The following XYLT1 variants were observed in gnomAD, a reference collection of about 807,000 sequenced individuals.
XYLT1 encodes xylosyltransferase 1, also known as beta-D-xylosyltransferase 1.
XYLT1 carries 36 observed loss-of-function variants against 91.3 expected under a neutral mutation model. The observed-to-expected ratio is 0.39, with a 90% CI of 0.30 to 0.52. XYLT1 has a LOEUF of 0.52. Among genes scored for constraint, XYLT1 ranks in the 20% least tolerant of loss-of-function variants. The pLI, the probability that XYLT1 is intolerant of heterozygous loss-of-function variation, is 0.68. For missense variants in XYLT1, 1,242 were observed against 1,284.5 expected (o/e 0.97, Z 0.51); for synonymous variants, 588 against 532.0 (o/e 1.11, Z -1.45).
At chr16:17,340,573 C>T (rs548571210) in intron 2 of XYLT1, among the ~76,000 whole-genome samples, 10 of 152,218 alleles carry the variant, frequency 6.6e-5, no homozygotes, top group East Asian at 1.9e-4. Flanking sequence ...AAGAGTTCTG[C>T]GTAGGTCCAA....
At chr16:17,232,429 G>GTGTGTGTGTATATATATATATATA (rs1194509016) in intron 3 of XYLT1, among the ~76,000 whole-genome samples, 1 of 121,736 alleles carries the variant, frequency 8.2e-6, no homozygotes. Flanking sequence ...GTGTGTGTGT[G>GTGTGTGTGTATATATATATATATA]TATATATATA....
At chr16:17,279,096 C>T (rs1159529805) in intron 2 of XYLT1, among the ~76,000 whole-genome samples, 1 of 152,214 alleles carries the variant, frequency 6.6e-6, no homozygotes, top group East Asian at 1.9e-4. Flanking sequence ...AGCGTTGCTA[C>T]TGGGACAGCA....
chr16:17,451,587 A>T (rs1004276500), intron 1 of XYLT1, among the ~76,000 whole-genome samples: 4 of 152,228 alleles, frequency 2.6e-5, no homozygotes, highest in Non-Finnish European at 5.9e-5. Flanking sequence ...CATCCTGGGT[A>T]CATCTGTAAA....
intron 3 of XYLT1, among the ~76,000 whole-genome samples, chr16:17,248,484 C>T (rs1236592109): frequency 6.6e-6 from 1 of 152,170 alleles, no homozygotes. Context: ...CTAAACCTAG[C>T]ACTTTTAGGA....
intron 1 of XYLT1, among the ~76,000 whole-genome samples, chr16:17,366,402 T>G (rs776058048): frequency 5.3e-5 from 8 of 152,262 alleles, no homozygotes; most frequent in Admixed American, 2.6e-4. Flanking sequence ...AAATATTATC[T>G]TATTTAATTC....
chr16:17,151,651 T>C lies in XYLT1; in HGVS notation c.1370+7178A>G, dbSNP rs12933150. On this transcript the variant is annotated intron_variant, in intron 6 of 11. Transcript: ENST00000261381. ...TGTACCAGTTATTATTGCTGCCCTG[T>C]GTGGAGAAAGCTGACTTAGGTTTGA... Among the ~76,000 whole-genome samples, 648 of 152,006 alleles carry C rather than the reference T, an allele frequency of 4.3e-3. 7 individuals carry two copies. The highest frequency in any genetic ancestry group is 0.015 in the African/African-American group (626 of 41,454).
At chr16:17,271,763 C>T (rs182482422) in intron 2 of XYLT1, among the ~76,000 whole-genome samples, 2 of 152,164 alleles carry the variant, frequency 1.3e-5, no homozygotes, top group African/African-American at 4.8e-5. Context: ...ACCCCCGACC[C>T]CTGCTGGGAA....
At chr16:17,172,775 C>T (rs1489223795) in intron 5 of XYLT1, among the ~76,000 whole-genome samples, 2 of 152,142 alleles carry the variant, frequency 1.3e-5, no homozygotes. Context: ...ACCTGGCCGA[C>T]TGTGTTCATT....
At chr16:17,232,395 G>C (rs1043783521) in intron 3 of XYLT1, among the ~76,000 whole-genome samples, 4 of 127,006 alleles carry the variant, frequency 3.1e-5, no homozygotes, top group Non-Finnish European at 4.7e-5. Flanking sequence ...CTGTGTCTGT[G>C]TGTCTGTGTC....
intron 3 of XYLT1, among the ~76,000 whole-genome samples, chr16:17,206,557 G>A (rs912489648): frequency 5.3e-5 from 8 of 152,088 alleles, no homozygotes; most frequent in Non-Finnish European, 1.0e-4. Flanking sequence ...GCTATCAGAT[G>A]CATGTCAAAT....
intron 3 of XYLT1, among the ~76,000 whole-genome samples, chr16:17,245,111 G>C (rs144066694): frequency 0.013 from 1,952 of 152,280 alleles, 23 homozygotes; most frequent in Admixed American, 0.027. Context: ...GCTCAGATGG[G>C]ACTGACGGAT....
intron 11 of XYLT1, among the ~76,000 whole-genome samples, chr16:17,116,997 G>A (rs4782037): frequency 0.22 from 33,828 of 151,744 alleles, 4,521 homozygotes; most frequent in East Asian, 0.6. Context: ...TTTGTAAAGA[G>A]CCAGATAGTA....
In XYLT1 at chr16:17,117,869, C is replaced by G. The variant is rs769344701; in HGVS notation, c.2334G>C (p.Val778=). 5 of 1,614,110 alleles carry G rather than the reference C, an allele frequency of 3.1e-6. No individual in the cohort carries two copies. The South Asian group carries it at 5.5e-5, about 18-fold the overall frequency. Residue 778 remains valine, a synonymous_variant, in exon 11 of 12, where the codon GTG becomes GTC. Transcript: ENST00000261381. ...GATCCACCCAAATGACGGTCACGGT[C>G]ACATTAGGTCCCTTCCCCCACTTCT... is the stretch of plus-strand genomic sequence containing the variant. The part of the protein sequence containing the change: ...GMQKWGKGPN[V]TVTVIWVDPV...
intron 3 of XYLT1, 111 bp downstream of exon 3, chr16:17,258,877 A>C: frequency 7.7e-7 from 1 of 1,305,016 alleles, no homozygotes. Flanking sequence ...TGGGGTTTGG[A>C]AAACAGGGTG....
intron 1 of XYLT1, among the ~76,000 whole-genome samples, chr16:17,392,648 A>T (rs913048704): frequency 2.0e-5 from 3 of 152,152 alleles, no homozygotes; most frequent in African/African-American, 7.2e-5. Flanking sequence ...ATGCTTGGAA[A>T]CTGAGTCATG....
intron 1 of XYLT1, among the ~76,000 whole-genome samples, chr16:17,370,937 C>T (rs138757505): frequency 8.7e-4 from 132 of 152,262 alleles, no homozygotes; most frequent in African/African-American, 3.1e-3. Context: ...AGACACATGT[C>T]CTTCACTTAC....
intron 8 of XYLT1, among the ~76,000 whole-genome samples, chr16:17,135,880 G>C (rs956627221): frequency 6.6e-6 from 1 of 152,232 alleles, no homozygotes; most frequent in South Asian, 2.1e-4. Context: ...TAAATAAATA[G>C]GTATGGCTGT....
At chr16:17,219,998 TA>T (rs2032938657) in intron 3 of XYLT1, among the ~76,000 whole-genome samples, 1 of 152,222 alleles carries the variant, frequency 6.6e-6, no homozygotes, top group Non-Finnish European at 1.5e-5. Flanking sequence ...AAGCTCATTT[TA>T]AACATGAGCT....
intron 1 of XYLT1, among the ~76,000 whole-genome samples, chr16:17,449,418 G>A (rs1374060172): frequency 6.6e-6 from 1 of 152,256 alleles, no homozygotes. Flanking sequence ...ATGGGCTGCG[G>A]GGACGGGGCA....
Sources: gnomAD v4.1 joint callset for allele counts (sites outside exome capture counted in the v4.1 genomes callset) on GRCh38, gnomAD v4.1.1 for gene constraint, MANE v1.5 for transcripts, NCBI Gene and HGNC (gene_info 2026-07-23, HGNC 2026-07-21) for gene names.